GPBP1L1: variants seen among roughly 807,000 people sequenced by gnomAD.
GPBP1L1 encodes vasculin-like protein 1.
GPBP1L1 carries 23 observed loss-of-function variants against 52.5 expected under a neutral mutation model. That is an observed-to-expected ratio of 0.44 (90% confidence interval 0.32 to 0.62). The LOEUF (loss-of-function observed/expected upper bound fraction) is 0.62, where lower values mean the gene tolerates loss of function less well. GPBP1L1 is among the 20% of genes least tolerant of loss of function. The probability of loss-of-function intolerance (pLI) is 0.06; values close to 1 mark genes in which losing one functional copy is unlikely to be tolerated. For synonymous variants in GPBP1L1, 243 were observed against 203.1 expected (o/e 1.20, Z -1.67); for missense variants, 596 against 579.3 (o/e 1.03, Z -0.30).
intron 2 of GPBP1L1, among the ~76,000 whole-genome samples, chr1:45,677,019 T>C (rs1645154818): frequency 2.0e-5 from 3 of 149,422 alleles, no homozygotes; most frequent in Non-Finnish European, 4.4e-5. Flanking sequence ...GTAAGATCTC[T>C]ACCAAAAAAA....
intron 6 of GPBP1L1, among the ~76,000 whole-genome samples, chr1:45,645,368 C>T (rs4660880): frequency 0.28 from 42,263 of 151,990 alleles, 6,034 homozygotes; most frequent in South Asian, 0.36. Context: ...GTGGATTTTA[C>T]GGAACATCTA....
At chr1:45,634,644 T>C (rs557120871) in intron 8 of GPBP1L1, 73 of 155,412 alleles carry the variant, frequency 4.7e-4, no homozygotes, top group Non-Finnish European at 8.6e-4. Flanking sequence ...GTAGTGTTTG[T>C]TAACTTTGGA....
chr1:45,674,935 A>T (rs1373018764), intron 2 of GPBP1L1, among the ~76,000 whole-genome samples: 1 of 152,142 alleles, frequency 6.6e-6, no homozygotes, highest in African/African-American at 2.4e-5. Context: ...TTCTCTTGTC[A>T]ATGTAATGGT....
At chr1:45,685,651 G>A (rs1645271477) in intron 1 of GPBP1L1, 31 bp from the exon 2 acceptor site, 1 of 152,228 alleles carries the variant, frequency 6.6e-6, no homozygotes, top group African/African-American at 2.4e-5. Flanking sequence ...AAAAGATTCA[G>A]TTAATGTCCC....
intron 9 of GPBP1L1, 99 bp downstream of exon 9, chr1:45,633,997 T>A (rs1374307006): frequency 3.1e-6 from 4 of 1,278,252 alleles, no homozygotes; most frequent in Non-Finnish European, 4.3e-6. Flanking sequence ...TAAATATAGC[T>A]ACAAAACAAG....
intron 2 of GPBP1L1, among the ~76,000 whole-genome samples, chr1:45,661,825 T>C (rs1388336784): frequency 6.6e-6 from 1 of 152,118 alleles, no homozygotes; most frequent in Non-Finnish European, 1.5e-5. Flanking sequence ...CAATCAGCTA[T>C]CTAAGGTATT....
chr1:45,664,060 C>T (rs552055138), intron 2 of GPBP1L1, among the ~76,000 whole-genome samples: 4 of 152,128 alleles, frequency 2.6e-5, no homozygotes, highest in South Asian at 2.1e-4. Context: ...GGGCCAGGCG[C>T]GGTGGCTCAC....
At position 45,654,781 on chromosome 1, in the gene GPBP1L1, CCAGAGTCCA is replaced by C. The variant is rs1278473734; in HGVS notation, c.230_238del (p.Val77_Ser79del). 1.2e-6 allele frequency: 2 copies of C among 1,614,098 alleles called. No individual in the cohort carries two copies. Among genetic ancestry groups the C allele is most frequent in the South Asian group, 2.2e-5 (2 of 91,082 alleles). Reference sequence around the variant, plus strand: ...TCCAGCATATGCTCCCTTAGAGACACCAGAGTCCACAGAATCATGGCGGAACAGGGAGGG... The same window carrying C: ...TCCAGCATATGCTCCCTTAGAGACACCAGAATCATGGCGGAACAGGGAGGG... On this transcript the variant is annotated inframe_deletion, in exon 6 of 13. Coordinates refer to ENST00000355105, the MANE Select transcript of GPBP1L1 (RefSeq NM_021639.5).
chr1:45,644,969 TGTG>T (rs1644724635), intron 6 of GPBP1L1, among the ~76,000 whole-genome samples: 1 of 152,226 alleles, frequency 6.6e-6, no homozygotes, highest in South Asian at 2.1e-4. Flanking sequence ...TAGGTATCAT[TGTG>T]AATTCACAGA....
intron 2 of GPBP1L1, among the ~76,000 whole-genome samples, chr1:45,671,086 G>A (rs925152495): frequency 7.9e-5 from 12 of 151,716 alleles, no homozygotes; most frequent in Admixed American, 1.3e-4. Flanking sequence ...GAGCCACCGC[G>A]CCCGGACTAC....
At chr1:45,658,705 G>A (rs140567267) in intron 4 of GPBP1L1, 148 of 301,690 alleles carry the variant, frequency 4.9e-4, no homozygotes, top group African/African-American at 2.7e-3. Flanking sequence ...CCAGGTAGGC[G>A]GATCACTTGA....
chr1:45,659,140 G>A lies in GPBP1L1; in HGVS notation c.-53C>T. ...GTGAGGCATCCAACCTCATGGCCAG[G>A]ATCTGAAAACAAAACAATTCAAATC... On this transcript the variant is annotated splice_region_variant and 5_prime_UTR_variant, in exon 4 of 13. Coordinates refer to ENST00000355105, the MANE Select transcript of GPBP1L1 (RefSeq NM_021639.5). The A allele has an allele frequency of 6.3e-7, 1 of 1,580,914 alleles. No homozygotes were observed. The highest frequency in any genetic ancestry group is 8.7e-7 in the Non-Finnish European group (1 of 1,151,578).
chr1:45,679,538 T>A (rs1342443624), intron 2 of GPBP1L1, among the ~76,000 whole-genome samples: 1 of 152,138 alleles, frequency 6.6e-6, no homozygotes, highest in Non-Finnish European at 1.5e-5. Context: ...TATGTGTATG[T>A]GTGCACCCAA....
chr1:45,651,054 A>G, intron 6 of GPBP1L1: 1 of 493,108 alleles, frequency 2.0e-6, no homozygotes, highest in African/African-American at 1.9e-5. Context: ...CAAGTTCTTT[A>G]GCCTTTGCCT....
intron 6 of GPBP1L1, chr1:45,646,310 G>T: frequency 5.5e-6 from 1 of 181,298 alleles, no homozygotes. Flanking sequence ...AAAATCTTTG[G>T]CTCACATTTT....
At chr1:45,632,179 A>G (rs938575496) in intron 10 of GPBP1L1, among the ~76,000 whole-genome samples, 1 of 152,238 alleles carries the variant, frequency 6.6e-6, no homozygotes, top group African/African-American at 2.4e-5. Context: ...TCAAGGAAGC[A>G]GGTTGGCCTT....
chr1:45,654,783 A>G lies in GPBP1L1; in HGVS notation c.237T>C (p.Ser79=). ...PSLFRHDSVD[S]GVSKGAYAGI... ...CAGCATATGCTCCCTTAGAGACACC[A>G]GAGTCCACAGAATCATGGCGGAACA... Residue 79 remains serine, a synonymous_variant, in exon 6 of 13, where the codon TCT becomes TCC. Coordinates refer to ENST00000355105, the MANE Select transcript of GPBP1L1 (RefSeq NM_021639.5). 1.2e-6 allele frequency: 2 copies of G among 1,614,176 alleles called. No homozygotes were observed.
chr1:45,640,541 T>A, intron 7 of GPBP1L1, 138 bp from the exon 8 acceptor site: 1 of 679,796 alleles, frequency 1.5e-6, no homozygotes, highest in Non-Finnish European at 2.6e-6. Context: ...GGTATGCACT[T>A]AATAGATACT....
chr1:45,628,347 G>A lies in GPBP1L1; in HGVS notation c.1334C>T (p.Ser445Phe). The A allele has an allele frequency of 6.2e-7, 1 of 1,614,098 alleles. No individual in the cohort carries two copies. The highest frequency in any genetic ancestry group is 8.5e-7 in the Non-Finnish European group (1 of 1,180,008). The change falls in exon 13 of 13, where the codon TCC becomes TTC. Residue 445 changes from serine to phenylalanine, a missense_variant. Coordinates refer to ENST00000355105, the MANE Select transcript of GPBP1L1 (RefSeq NM_021639.5). ...TGCTTTGCAAGTGCTTCTCCAAGGG[G>A]AGAACAGACTGGAACTGCGGCTCTG... The part of the protein sequence containing the change: ...FLQSRSSSLF[S>F]PWRSTCKAEF...
Sources: allele counts gnomAD v4.1 joint callset (sites outside exome capture counted in the v4.1 genomes callset), GRCh38; gene constraint gnomAD v4.1.1; transcripts MANE v1.5; gene names NCBI Gene and HGNC (gene_info 2026-07-23, HGNC 2026-07-21).